The following MGLL variants were observed in gnomAD, a reference collection of about 807,000 sequenced individuals.
MGLL encodes monoglyceride lipase.
Under a neutral mutation model 29.1 loss-of-function variants are expected in MGLL, and 7 were observed. That is an observed-to-expected ratio of 0.24 (90% CI 0.14 to 0.45). MGLL has a LOEUF of 0.45. Ranked by LOEUF, MGLL falls within the 20% of genes least tolerant of loss-of-function variation. The pLI is 0.99. For missense variants in MGLL, 356 were observed against 413.6 expected (o/e 0.86, Z 1.21); for synonymous variants, 148 against 168.3 (o/e 0.88, Z 0.93).
At chr3:127,749,742 TCTGACCA>T (rs1391954225) in intron 3 of MGLL, among the ~76,000 whole-genome samples, 2 of 152,000 alleles carry the variant, frequency 1.3e-5, no homozygotes, top group African/African-American at 2.4e-5. Flanking sequence ...CTAAAGCGAG[TCTGACCA>T]CTGGCAGTCT....
At chr3:127,772,496 GAA>G (rs2076966559) in intron 3 of MGLL, among the ~76,000 whole-genome samples, 1 of 152,182 alleles carries the variant, frequency 6.6e-6, no homozygotes, top group Admixed American at 6.5e-5. Flanking sequence ...AAGGTCACGT[GAA>G]CCGTCCTGCA....
chr3:127,763,337 G>A (rs1056297922), intron 3 of MGLL, among the ~76,000 whole-genome samples: 3 of 152,196 alleles, frequency 2.0e-5, no homozygotes, highest in Non-Finnish European at 4.4e-5. Flanking sequence ...GCTTCTTCTG[G>A]GGACCTAGAG....
At chr3:127,754,109 G>T (rs1315605187) in intron 3 of MGLL, among the ~76,000 whole-genome samples, 1 of 152,158 alleles carries the variant, frequency 6.6e-6, no homozygotes, top group Non-Finnish European at 1.5e-5. Flanking sequence ...GCACTCTACG[G>T]AGGAGGCCAC....
At chr3:127,753,099 G>A (rs997468183) in intron 3 of MGLL, among the ~76,000 whole-genome samples, 6 of 152,114 alleles carry the variant, frequency 3.9e-5, no homozygotes, top group Admixed American at 3.3e-4. Context: ...AAAAATGAGA[G>A]ACACAATAGT....
intron 3 of MGLL, among the ~76,000 whole-genome samples, chr3:127,728,486 C>T (rs2076088168): frequency 6.6e-6 from 1 of 152,180 alleles, no homozygotes; most frequent in Non-Finnish European, 1.5e-5. Context: ...TGGATTTCTA[C>T]CAGGTTTTCT....
intron 2 of MGLL, among the ~76,000 whole-genome samples, chr3:127,799,049 A>C (rs1164596347): frequency 6.6e-6 from 1 of 152,238 alleles, no homozygotes; most frequent in Non-Finnish European, 1.5e-5. Context: ...GGCCCTGCCC[A>C]GTGTCCCTGA....
At chr3:127,820,438 G>A (rs2077838897) in intron 2 of MGLL, among the ~76,000 whole-genome samples, 2 of 152,114 alleles carry the variant, frequency 1.3e-5, no homozygotes, top group Non-Finnish European at 2.9e-5. Context: ...TTCGAACTAG[G>A]ACAACCTCAC....
At chr3:127,731,231 G>A (rs2076144002) in intron 3 of MGLL, among the ~76,000 whole-genome samples, 1 of 151,432 alleles carries the variant, frequency 6.6e-6, no homozygotes, top group Non-Finnish European at 1.5e-5. Context: ...TGTTGCTCAG[G>A]GTGGATTCAA....
At chr3:127,803,750 G>A (rs2077518555) in intron 2 of MGLL, among the ~76,000 whole-genome samples, 1 of 152,282 alleles carries the variant, frequency 6.6e-6, no homozygotes, top group Non-Finnish European at 1.5e-5. Flanking sequence ...GAAGTTTGAT[G>A]TCACAGCATG....
At chr3:127,725,868 T>C (rs1270472779) in intron 3 of MGLL, among the ~76,000 whole-genome samples, 13 of 151,986 alleles carry the variant, frequency 8.6e-5, no homozygotes, top group Non-Finnish European at 1.5e-4. Flanking sequence ...GAGTTCACAA[T>C]TGGCCTGGGC....
intron 2 of MGLL, among the ~76,000 whole-genome samples, chr3:127,816,349 G>A (rs1035270126): frequency 6.6e-6 from 1 of 152,174 alleles, no homozygotes; most frequent in African/African-American, 2.4e-5. Flanking sequence ...CTCAACAGCC[G>A]GCTGACAACC....
At chr3:127,731,370 TTA>T (rs1247911295) in intron 3 of MGLL, among the ~76,000 whole-genome samples, 1 of 125,380 alleles carries the variant, frequency 8.0e-6, no homozygotes, top group Non-Finnish European at 1.7e-5. Flanking sequence ...ATTATTATTA[TTA>T]TTTTAAAGAA....
chr3:127,690,970 G>C lies in MGLL; in HGVS notation c.*1228C>G, dbSNP rs2075230982. ...GGGGGTGCCTCCAGTCCCTGCTCTG[G>C]GTCACCGAGTGCTCCATGCAGACCT... On this transcript the variant is annotated 3_prime_UTR_variant, in exon 8 of 8. Transcript: ENST00000265052. 6.5e-6 allele frequency: 1 copy of C among 152,884 alleles called. No homozygotes were observed. The highest frequency in any genetic ancestry group is 2.4e-5 in the African/African-American group (1 of 41,454). The allele number at this position is 152,884 out of a possible 1,614,324, so 9.5% of individuals were successfully genotyped here. A position where few individuals can be genotyped will look rare whatever the true frequency, so the allele number is the denominator to read the frequency against.
At chr3:127,726,693 T>C (rs552804101) in intron 3 of MGLL, among the ~76,000 whole-genome samples, 8 of 152,190 alleles carry the variant, frequency 5.3e-5, no homozygotes, top group Non-Finnish European at 1.0e-4. Flanking sequence ...GCCTCCCAAA[T>C]TGCTGGGATT....
chr3:127,728,645 A>G (rs557175530), intron 3 of MGLL, among the ~76,000 whole-genome samples: 5 of 152,346 alleles, frequency 3.3e-5, no homozygotes, highest in Admixed American at 2.6e-4. Flanking sequence ...CTTGGATTGT[A>G]TCCAAGCTCT....
intron 6 of MGLL, among the ~76,000 whole-genome samples, chr3:127,706,873 C>A (rs2075612971): frequency 6.6e-6 from 1 of 152,208 alleles, no homozygotes; most frequent in South Asian, 2.1e-4. Context: ...TGTGGTTACG[C>A]TTAAGTCGAA....
chr3:127,810,857 C>G (rs2077650550), intron 2 of MGLL, among the ~76,000 whole-genome samples: 1 of 137,688 alleles, frequency 7.3e-6, no homozygotes, highest in Non-Finnish European at 1.5e-5. Flanking sequence ...AGGAAGCAAA[C>G]CCTCCAGATT....
rs1576466921 is a variant in MGLL at position 127,695,335 on chromosome 3, G to A, written c.601-145C>T. 9 of 783,058 alleles carry A rather than the reference G, an allele frequency of 1.1e-5. No individual in the cohort carries two copies. The South Asian group carries it at 1.2e-4, about 10-fold the overall frequency. 48.5% of individuals were successfully genotyped at this position (783,058 alleles called of 1,614,324 possible). On this transcript the variant is annotated intron_variant, in intron 6 of 7. Coordinates refer to ENST00000265052, the MANE Select transcript of MGLL (RefSeq NM_007283.7). Reference sequence around the variant, plus strand: ...GCTGGGCTTGGGCATGGCTCTGAAGGCCAGCCGTGTTCATCCACAAACCTC... The same window carrying A: ...GCTGGGCTTGGGCATGGCTCTGAAGACCAGCCGTGTTCATCCACAAACCTC...
At position 127,786,407 on chromosome 3, in the gene MGLL, G is replaced by C. The variant is rs550436739; in HGVS notation, c.156-4512C>G. 1.2e-4 allele frequency among the ~76,000 whole-genome samples: 18 copies of C among 152,392 alleles called. 1 individual carries two copies. The South Asian group carries it at 3.5e-3, about 30-fold the overall frequency. On this transcript the variant is annotated intron_variant, in intron 2 of 7. Transcript: ENST00000265052. ...CCACAGCAGCAGAAATTAGGTTGCA[G>C]AGGAGGCTGGCTAAGATCTTTTTCC...
Sources: gnomAD v4.1 joint callset for allele counts (sites outside exome capture counted in the v4.1 genomes callset) on GRCh38, gnomAD v4.1.1 for gene constraint, MANE v1.5 for transcripts, NCBI Gene and HGNC (gene_info 2026-07-23, HGNC 2026-07-21) for gene names.